Variants in DGKB observed in about 807,000 individuals in gnomAD.
DGKB encodes 90 kDa diacylglycerol kinase.
Under a neutral mutation model 114.3 loss-of-function variants are expected in DGKB, and 67 were observed. The ratio of observed to expected loss-of-function variants is 0.59; its 90% CI spans 0.48 to 0.72. The LOEUF is 0.72. DGKB is among the 30% of genes least tolerant of loss of function. The probability of loss-of-function intolerance (pLI) is 0.00; values close to 1 mark genes in which losing one functional copy is unlikely to be tolerated. For synonymous variants in DGKB, 398 were observed against 323.1 expected (o/e 1.23, Z -2.49); for missense variants, 907 against 975.2 (o/e 0.93, Z 0.93).
chr7:14,728,407 CCT>C (rs1306460956), intron 5 of DGKB, among the ~76,000 whole-genome samples: 4 of 152,146 alleles, frequency 2.6e-5, no homozygotes, highest in Non-Finnish European at 5.9e-5. Context: ...GCCTTGGCTA[CCT>C]CTCTCGCCTC....
In DGKB at chr7:14,397,703, T is replaced by G. The variant is rs183872848; in HGVS notation, c.1836-52312A>C. Among the ~76,000 whole-genome samples the G allele has an allele frequency of 5.3e-5, 8 of 152,274 alleles. No homozygotes were observed. The South Asian group carries it at 1.7e-3, about 32-fold the overall frequency. On this transcript the variant is annotated intron_variant, in intron 21 of 25. Coordinates refer to ENST00000402815, the MANE Select transcript of DGKB (RefSeq NM_001350709.2). ...CCTTTTGATTACTTATTTTTCACTT[T>G]TGTTTGGTTACGTTTTGTTTCATGT... is the stretch of plus-strand genomic sequence containing the variant.
At chr7:14,724,751 G>A (rs1383641096) in intron 5 of DGKB, among the ~76,000 whole-genome samples, 1 of 152,180 alleles carries the variant, frequency 6.6e-6, no homozygotes, top group Non-Finnish European at 1.5e-5. Flanking sequence ...TAAGTAAACT[G>A]TTCGTGATCA....
chr7:14,515,325 A>G (rs1788615381), intron 20 of DGKB, among the ~76,000 whole-genome samples: 1 of 152,180 alleles, frequency 6.6e-6, no homozygotes, highest in Admixed American at 6.5e-5. Flanking sequence ...ATTTGCCAGG[A>G]AAACATGAAA....
At chr7:14,787,919 C>G (rs998740243) in intron 2 of DGKB, among the ~76,000 whole-genome samples, 2 of 150,982 alleles carry the variant, frequency 1.3e-5, no homozygotes, top group African/African-American at 4.9e-5. Flanking sequence ...GAAACTCCCT[C>G]TCACCCAAGA....
intron 1 of DGKB, among the ~76,000 whole-genome samples, chr7:14,937,532 T>G (rs1434956692): frequency 2.6e-5 from 4 of 152,200 alleles, no homozygotes; most frequent in African/African-American, 9.6e-5. Flanking sequence ...AGATGATTAA[T>G]AGCAGCTTTA....
intron 16 of DGKB, 97 bp downstream of exon 16, chr7:14,613,241 CAG>C: frequency 1.6e-6 from 1 of 643,554 alleles, no homozygotes; most frequent in Non-Finnish European, 2.7e-6. Context: ...TTAAAATTAG[CAG>C]AGAGGAATAA....
chr7:14,649,774 AG>A (rs1361473045), intron 13 of DGKB, among the ~76,000 whole-genome samples: 1 of 142,430 alleles, frequency 7.0e-6, no homozygotes, highest in African/African-American at 2.7e-5. Context: ...AGACACACAT[AG>A]GCTCAAAATA....
chr7:14,873,267 T>G (rs1229198947), intron 1 of DGKB, among the ~76,000 whole-genome samples: 1 of 152,150 alleles, frequency 6.6e-6, no homozygotes, highest in Non-Finnish European at 1.5e-5. Context: ...TCTGTGGTCT[T>G]GCATTCAAAT....
At chr7:14,372,304 T>C (rs1021740036) in intron 21 of DGKB, among the ~76,000 whole-genome samples, 2 of 152,176 alleles carry the variant, frequency 1.3e-5, no homozygotes, top group African/African-American at 2.4e-5. Flanking sequence ...ATTCCTTTTT[T>C]CCTTCTTGAA....
chr7:14,776,591 T>C (rs4721371), intron 2 of DGKB, among the ~76,000 whole-genome samples: 151,903 of 152,338 alleles, frequency 1, 75,734 homozygotes, highest in Middle Eastern at 1. Context: ...GAAGCCTTGT[T>C]AGCTTCCATG....
At chr7:14,918,856 A>C (rs1784368546) in intron 1 of DGKB, among the ~76,000 whole-genome samples, 1 of 151,914 alleles carries the variant, frequency 6.6e-6, no homozygotes, top group African/African-American at 2.4e-5. Flanking sequence ...CGAGGTCGGG[A>C]GTTTGAAACC....
chr7:14,730,989 G>A (rs1161559802), intron 5 of DGKB, among the ~76,000 whole-genome samples: 1 of 152,188 alleles, frequency 6.6e-6, no homozygotes, highest in Non-Finnish European at 1.5e-5. Flanking sequence ...TGCTCTGAGA[G>A]CCTGCTAATT....
At chr7:14,178,669 C>G (rs976168967) in intron 23 of DGKB, among the ~76,000 whole-genome samples, 1 of 152,112 alleles carries the variant, frequency 6.6e-6, no homozygotes, top group Non-Finnish European at 1.5e-5. Context: ...CTTTGAGTAA[C>G]TTGTCTGTAG....
intron 23 of DGKB, among the ~76,000 whole-genome samples, chr7:14,240,649 T>C (rs934702600): frequency 3.3e-5 from 5 of 152,000 alleles, no homozygotes; most frequent in Non-Finnish European, 1.5e-5. Context: ...AAGAGAAAGA[T>C]CTTTGGTGAA....
At chr7:14,332,630 T>C (rs1443325835) in intron 23 of DGKB, among the ~76,000 whole-genome samples, 1 of 152,212 alleles carries the variant, frequency 6.6e-6, no homozygotes, top group African/African-American at 2.4e-5. Context: ...TTATAAATGA[T>C]AGTAAAAAAT....
chr7:14,638,255 A>G (rs1476418553), intron 13 of DGKB, among the ~76,000 whole-genome samples: 1 of 152,162 alleles, frequency 6.6e-6, no homozygotes, highest in Non-Finnish European at 1.5e-5. Flanking sequence ...TAGTAACTAT[A>G]AGAAGCTGCA....
intron 13 of DGKB, among the ~76,000 whole-genome samples, chr7:14,649,759 T>G (rs2128895208): frequency 7.0e-6 from 1 of 142,586 alleles, no homozygotes. Flanking sequence ...CCATCTCATG[T>G]GCAGAGACAC....
intron 23 of DGKB, among the ~76,000 whole-genome samples, chr7:14,189,115 G>A (rs963367380): frequency 1.3e-5 from 2 of 152,154 alleles, no homozygotes; most frequent in Non-Finnish European, 2.9e-5. Context: ...CGTAGAGTAA[G>A]TTAATTAATC....
At chr7:14,256,267 C>A (rs1007697508) in intron 23 of DGKB, among the ~76,000 whole-genome samples, 10 of 151,978 alleles carry the variant, frequency 6.6e-5, no homozygotes. Flanking sequence ...TATTTTTATG[C>A]TTTCTTCTTT....
Sources: allele counts gnomAD v4.1 joint callset (sites outside exome capture counted in the v4.1 genomes callset), GRCh38; gene constraint gnomAD v4.1.1; transcripts MANE v1.5; gene names NCBI Gene and HGNC (gene_info 2026-07-23, HGNC 2026-07-21).